Variants in NEDD4L observed in about 807,000 individuals in gnomAD.
NEDD4L encodes the protein NEDD4 like E3 ubiquitin protein ligase, also known as E3 ubiquitin-protein ligase NEDD4-like.
In NEDD4L, 54 loss-of-function variants were observed where a neutral mutation model predicts 148.9. The observed-to-expected ratio is 0.36, with a 90% CI of 0.29 to 0.45. The LOEUF is 0.45. Ranked by LOEUF, NEDD4L falls within the 20% of genes least tolerant of loss-of-function variation. The probability of loss-of-function intolerance (pLI) is 1.00; values close to 1 mark genes in which losing one functional copy is unlikely to be tolerated. For synonymous variants in NEDD4L, 433 were observed against 440.7 expected, an observed-to-expected ratio of 0.98 and a Z score of 0.22; for missense variants, 856 against 1,233.8, an observed-to-expected ratio of 0.69 and a Z score of 4.59.
At chr18:58,232,890 C>G (rs568350759) in intron 2 of NEDD4L, among the ~76,000 whole-genome samples, 102 of 152,242 alleles carry the variant, frequency 6.7e-4, no homozygotes, top group African/African-American at 2.4e-3. Context: ...CACAGGTAGG[C>G]GTGTGTTTTG....
chr18:58,240,957 A>G (rs181188846), intron 2 of NEDD4L, among the ~76,000 whole-genome samples: 2 of 152,088 alleles, frequency 1.3e-5, no homozygotes, highest in Admixed American at 1.3e-4. Flanking sequence ...CTACAGATGC[A>G]CACCACCACA....
rs2081496099 is a variant in NEDD4L, at chr18:58,044,775, G to C, written c.48+67G>C. On this transcript the variant is annotated intron_variant, in intron 1 of 30. Coordinates refer to ENST00000400345, the MANE Select transcript of NEDD4L (RefSeq NM_001144967.3). ...TCCTATCCCGCGCCGGCAGGGGGAG[G>C]GGAAAGGGGCCGTCCCCGGGGTGCT... is the stretch of plus-strand genomic sequence containing the variant. The C allele has an allele frequency of 3.2e-5, 50 of 1,570,462 alleles. No homozygotes were observed. In the South Asian group the frequency reaches 5.8e-4, roughly 18 times the overall value.
intron 5 of NEDD4L, among the ~76,000 whole-genome samples, chr18:58,268,252 C>T (rs1388091631): frequency 6.6e-6 from 1 of 151,944 alleles, no homozygotes; most frequent in Admixed American, 6.6e-5. Context: ...GAAGAGGAGG[C>T]CTGGCTAGCA....
intron 30 of NEDD4L, among the ~76,000 whole-genome samples, chr18:58,392,604 G>C (rs2049986328): frequency 1.3e-5 from 2 of 152,042 alleles, no homozygotes; most frequent in African/African-American, 4.8e-5. Context: ...TTGCCTGTCA[G>C]AGCCTTGAAA....
At chr18:58,114,566 G>C (rs2085650581) in intron 1 of NEDD4L, among the ~76,000 whole-genome samples, 1 of 152,244 alleles carries the variant, frequency 6.6e-6, no homozygotes, top group African/African-American at 2.4e-5. Context: ...GTGAAGATGG[G>C]AGCATGGACT....
chr18:58,096,347 A>ATTTTATTTAT (rs764818089), intron 1 of NEDD4L, among the ~76,000 whole-genome samples: 1 of 116,256 alleles, frequency 8.6e-6, no homozygotes, highest in Non-Finnish European at 1.7e-5. Context: ...ATTTTATTTT[A>ATTTTATTTAT]TTTATTTTAT....
intron 18 of NEDD4L, among the ~76,000 whole-genome samples, chr18:58,356,790 A>G (rs2044726995): frequency 6.6e-6 from 1 of 152,242 alleles, no homozygotes; most frequent in African/African-American, 2.4e-5. Context: ...GAAATGAGAA[A>G]AAAAATCGTG....
rs141191286 is a variant in NEDD4L at position 58,255,497 on chromosome 18, A to G, written c.297+3443A>G. 1,589 of 1,230,586 alleles carry G rather than the reference A, an allele frequency of 1.3e-3. 17 individuals carry two copies. The African/African-American group carries it at 0.022, about 17-fold the overall frequency. 76.2% of individuals were successfully genotyped at this position (1,230,586 alleles called of 1,614,324 possible). A position where few individuals can be genotyped will look rare whatever the true frequency, so the allele number is the denominator to read the frequency against. On this transcript the variant is annotated intron_variant, in intron 5 of 30. Coordinates refer to ENST00000400345, the MANE Select transcript of NEDD4L (RefSeq NM_001144967.3). ...GCTTGCCACTTGGGTTATTTCTGCT[A>G]TCTGTCGCTCCCGGTGCCGCAGTGC... is the stretch of plus-strand genomic sequence containing the variant.
chr18:58,316,393 C>T (rs1159934381), intron 6 of NEDD4L, among the ~76,000 whole-genome samples: 2 of 152,178 alleles, frequency 1.3e-5, no homozygotes, highest in Non-Finnish European at 2.9e-5. Context: ...ATGCATCCTC[C>T]GGGTCCCATC....
chr18:58,126,521 T>A (rs188140770), intron 1 of NEDD4L, among the ~76,000 whole-genome samples: 2,222 of 152,320 alleles, frequency 0.015, 27 homozygotes, highest in Non-Finnish European at 0.022. Context: ...CCTGTTTTTT[T>A]AAAAAGTCCA....
At chr18:58,124,431 T>C (rs2030637941) in intron 1 of NEDD4L, among the ~76,000 whole-genome samples, 1 of 152,238 alleles carries the variant, frequency 6.6e-6, no homozygotes, top group Admixed American at 6.5e-5. Context: ...GCTACTCCTC[T>C]GCTTCTCCGC....
intron 2 of NEDD4L, among the ~76,000 whole-genome samples, chr18:58,239,293 T>C (rs2046369315): frequency 1.3e-5 from 2 of 152,194 alleles, no homozygotes; most frequent in African/African-American, 4.8e-5. Context: ...CAAAAAGTTA[T>C]TGCTTCCTTT....
At chr18:58,140,922 C>T (rs886512528) in intron 1 of NEDD4L, among the ~76,000 whole-genome samples, 2 of 152,342 alleles carry the variant, frequency 1.3e-5, no homozygotes, top group African/African-American at 4.8e-5. Flanking sequence ...ATAACTATCA[C>T]GTTGTCAATA....
rs1375665998 is a variant in NEDD4L at position 58,383,267 on chromosome 18, C to T, written c.2374C>T (p.Pro792Ser). ...ACAGACATATCAAGTGGATTTGAAG[C>T]CCAATGGGTCAGAAATAATGGTCAC... ...FGQTYQVDLKPNGSEIMVTNE... is the reference protein window; with the variant it reads ...FGQTYQVDLKSNGSEIMVTNE... The change falls in exon 25 of 31, where the codon CCC becomes TCC. Residue 792 changes from proline (P) to serine (S), a missense_variant. By Grantham distance (74) the Pro-to-Ser change is moderately conservative. Transcript: ENST00000400345. 1.3e-6 allele frequency: 2 copies of T among 1,539,304 alleles called. No homozygotes were observed. Among genetic ancestry groups the T allele is most frequent in the East Asian group, 4.8e-5 (2 of 41,368 alleles).
At position 58,400,452 on chromosome 18, in the gene NEDD4L, AC is replaced by A. The variant is rs1421590249; in HGVS notation, c.*4188del. On this transcript the variant is annotated 3_prime_UTR_variant, in exon 31 of 31. Transcript: ENST00000400345. ...AGTGTCTATACATTTGCATACACAC[AC>A]CCCCACCCCAGAGTGTTCTCAGTAT... 2 of 152,124 alleles carry A rather than the reference AC, an allele frequency of 1.3e-5. No homozygotes were observed. The highest frequency in any genetic ancestry group is 4.8e-5 in the African/African-American group (2 of 41,488). The allele number at this position is 152,124 out of a possible 1,614,324, so 9.4% of individuals were successfully genotyped here.
intron 24 of NEDD4L, among the ~76,000 whole-genome samples, chr18:58,382,946 G>C (rs887514078): frequency 1.3e-5 from 2 of 152,100 alleles, no homozygotes; most frequent in East Asian, 3.9e-4. Context: ...AACATAATTA[G>C]TTTCCTGATA....
At chr18:58,240,382 T>G (rs2046490471) in intron 2 of NEDD4L, among the ~76,000 whole-genome samples, 1 of 152,236 alleles carries the variant, frequency 6.6e-6, no homozygotes. Context: ...AACTTCTTGT[T>G]GGAGTGGCAC....
At chr18:58,250,795 T>C (rs2047833303) in intron 4 of NEDD4L, among the ~76,000 whole-genome samples, 1 of 152,190 alleles carries the variant, frequency 6.6e-6, no homozygotes, top group Admixed American at 6.5e-5. Context: ...GAGAGAATCC[T>C]TACCTGCAAG....
intron 19 of NEDD4L, among the ~76,000 whole-genome samples, chr18:58,363,816 CTCGTTGTATT>C (rs2045792853): frequency 6.6e-6 from 1 of 152,200 alleles, no homozygotes; most frequent in Non-Finnish European, 1.5e-5. Context: ...TCCCTTTCTG[CTCGTTGTATT>C]TCCCCACAAA....
Sources: allele counts gnomAD v4.1 joint callset (sites outside exome capture counted in the v4.1 genomes callset), GRCh38; gene constraint gnomAD v4.1.1; transcripts MANE v1.5; gene names NCBI Gene and HGNC (gene_info 2026-07-23, HGNC 2026-07-21).